The following CHST5 variants were observed in gnomAD, a reference collection of about 807,000 sequenced individuals.
The protein encoded by CHST5 is GST4-alpha.
For missense variants in CHST5, 637 were observed against 602.1 expected (o/e 1.06, Z -0.61); for synonymous variants, 313 against 279.2 (o/e 1.12, Z -1.21).
Position 75,529,503 on chromosome 16 carries a change from G to GCGC in CHST5, c.879_881dup (p.Arg294dup). 2 of 1,611,200 alleles carry GCGC rather than the reference G, an allele frequency of 1.2e-6. No homozygotes were observed. The highest frequency in any genetic ancestry group is 1.7e-6 in the Non-Finnish European group (2 of 1,179,646). ...GCGGCTCCCGCGCCAGGTCCTCGAA[G>GCGC]CGCACCAGGCGGTAGCGGCCGCGCA... On this transcript the variant is annotated inframe_insertion, in exon 4 of 4. Coordinates refer to ENST00000336257, the MANE Select transcript of CHST5 (RefSeq NM_024533.5).
rs1285383825 is a variant in CHST5, at chr16:75,531,605, A to G, written c.-1221T>C. ...GTCCAGGGCTGCTGGGAGAGCTGCA[A>G]CGCTGATCACAAATCCATGGGAGAT... On this transcript the variant is annotated 5_prime_UTR_variant, in exon 4 of 4. Transcript: ENST00000336257. The G allele has an allele frequency of 7.7e-7, 1 of 1,304,046 alleles. No individual in the cohort carries two copies. The highest frequency in any genetic ancestry group is 1.0e-6 in the Non-Finnish European group (1 of 988,796). The allele number at this position is 1,304,046 out of a possible 1,614,324, so 80.8% of individuals were successfully genotyped here.
In CHST5 at chr16:75,530,326, G is replaced by A. The variant is rs759282590; in HGVS notation, c.59C>T (p.Ala20Val). 6.2e-7 allele frequency: 1 copy of A among 1,600,150 alleles called. No homozygotes were observed. Among genetic ancestry groups the A allele is most frequent in the Non-Finnish European group, 8.5e-7 (1 of 1,174,008 alleles). The part of the protein sequence containing the change: ...VAHSTRRPPA[A>V]RMWLPRFSSK... ...GGAGAACCGTGGCAGCCACATGCGGGCGGCTGGGGGCCTTCGGGTGGAGTG... is the reference window on the plus strand; with the variant it reads ...GGAGAACCGTGGCAGCCACATGCGGACGGCTGGGGGCCTTCGGGTGGAGTG... The change falls in exon 4 of 4, where the codon GCC (alanine) becomes GTC (valine). Residue 20 changes from alanine to valine, a missense_variant. By Grantham distance (64) the Ala-to-Val change is moderately conservative (BLOSUM62 0). Coordinates refer to ENST00000336257, the MANE Select transcript of CHST5 (RefSeq NM_024533.5).
rs1291772785 is a variant in CHST5 at position 75,529,184 on chromosome 16, C to T, written c.1201G>A (p.Gly401Ser). Residue 401 changes from glycine to serine, a missense_variant, in exon 4 of 4, where the codon GGC becomes AGC. By Grantham distance (56) the Gly-to-Ser change is moderately conservative. Transcript: ENST00000336257. ...GATGCCCAGCTGAAGTGGTCTGGGC[C>T]TCGTGGCAGCACCAGATCCAGGGTG... ...DLTLDLVLPR[G>S]PDHFSWASPD 1.2e-6 allele frequency: 2 copies of T among 1,602,934 alleles called. No individual in the cohort carries two copies. The highest frequency in any genetic ancestry group is 2.2e-5 in the South Asian group (2 of 89,762).
chr16:75,530,870 A>G lies in CHST5; in HGVS notation c.-486T>C. ...GGATCACTTTACCCGTGTGTGAAAG[A>G]GGGATAATTCCGGTACCTGGCTCAC... On this transcript the variant is annotated 5_prime_UTR_variant, in exon 4 of 4. Transcript: ENST00000336257. 1 of 997,658 alleles carries G rather than the reference A, an allele frequency of 1.0e-6. No individual in the cohort carries two copies. Among genetic ancestry groups the G allele is most frequent in the Non-Finnish European group, 1.2e-6 (1 of 826,894 alleles). 61.8% of individuals were successfully genotyped at this position (997,658 alleles called of 1,614,324 possible).
chr16:75,530,622 G>A lies in CHST5; in HGVS notation c.-238C>T. 1.4e-6 allele frequency: 2 copies of A among 1,399,020 alleles called. No individual in the cohort carries two copies. The highest frequency in any genetic ancestry group is 9.3e-7 in the Non-Finnish European group (1 of 1,074,000). The allele number at this position is 1,399,020 out of a possible 1,614,324, so 86.7% of individuals were successfully genotyped here. A position where few individuals can be genotyped will look rare whatever the true frequency, so the allele number is the denominator to read the frequency against. On this transcript the variant is annotated 5_prime_UTR_variant, in exon 4 of 4. Coordinates refer to ENST00000336257, the MANE Select transcript of CHST5 (RefSeq NM_024533.5). Reference sequence around the variant, plus strand: ...CACCCACCTACTTACATACCTACAGGCTATCTATCTGTAGAGAGAAATACT... The same window carrying A: ...CACCCACCTACTTACATACCTACAGACTATCTATCTGTAGAGAGAAATACT...
chr16:75,529,938 G>C lies in CHST5; in HGVS notation c.447C>G (p.Arg149=). ...LSAFFNWATS[R]ALCSPPACSA... ...TGCAGGCGGGCGGCGAGCACAGCGC[G>C]CGGCTCGTTGCCCAGTTGAAAAAGG... The change falls in exon 4 of 4, where the codon CGC becomes CGG. Residue 149 remains arginine (R), a synonymous_variant. Transcript: ENST00000336257. 1 of 1,613,294 alleles carries C rather than the reference G, an allele frequency of 6.2e-7. No individual in the cohort carries two copies. The highest frequency in any genetic ancestry group is 8.5e-7 in the Non-Finnish European group (1 of 1,179,948).
In CHST5 at chr16:75,529,245, G is replaced by A. The variant is rs1343548346; in HGVS notation, c.1140C>T (p.Tyr380=). ...VCAGALQLLG[Y]RPVYSADQQR... ...GCTGGTCCGCAGAGTACACAGGCCGGTAGCCCAGCAGCTGCAGCGCGCCGG... is the reference window on the plus strand; with the variant it reads ...GCTGGTCCGCAGAGTACACAGGCCGATAGCCCAGCAGCTGCAGCGCGCCGG... Residue 380 remains tyrosine (Y), a synonymous_variant, in exon 4 of 4, where the codon TAC becomes TAT. Transcript: ENST00000336257. 1 of 1,613,074 alleles carries A rather than the reference G, an allele frequency of 6.2e-7. No homozygotes were observed.
rs3826107 is a variant in CHST5, at chr16:75,529,432, G to A, written c.953C>T (p.Thr318Met). The A allele has an allele frequency of 0.18, 295,894 of 1,612,534 alleles. 28,588 individuals carry two copies. The highest frequency in any genetic ancestry group is 0.2 in the Non-Finnish European group (235,073 of 1,179,598). The part of the protein sequence containing the change: ...ALYAFTGLTL[T>M]PQLEAWIHNI... ...GTGGATCCAGGCCTCGAGCTGTGGC[G>A]TGAGGGTCAGGCCGGTGAAGGCGTA... The change falls in exon 4 of 4, where the codon ACG becomes ATG. Residue 318 changes from threonine (T) to methionine (M), a missense_variant. Thr to Met is a moderately conservative substitution (Grantham distance 81). Transcript: ENST00000336257.
chr16:75,532,912 G>T (rs1405272378), intron 3 of CHST5, among the ~76,000 whole-genome samples, 177 bp downstream of exon 3: 1 of 152,190 alleles, frequency 6.6e-6, no homozygotes, highest in African/African-American at 2.4e-5. Context: ...GGGACTCCAG[G>T]ACTCCTGTTC....
chr16:75,530,434 C>G lies in CHST5; in HGVS notation c.-50G>C, dbSNP rs370822361. On this transcript the variant is annotated 5_prime_UTR_variant, in exon 4 of 4. Transcript: ENST00000336257. ...GCCCTCAGGGATCAGCCCTCAGATT[C>G]GGCTACCCTACCCATTGGACTTCCC... The G allele has an allele frequency of 4.3e-5, 64 of 1,471,646 alleles. No homozygotes were observed. The highest frequency in any genetic ancestry group is 5.4e-5 in the Non-Finnish European group (60 of 1,109,066). The allele number at this position is 1,471,646 out of a possible 1,614,324, so 91.2% of individuals were successfully genotyped here.
rs1403803215 is a variant in CHST5, at chr16:75,529,445, C to T, written c.940G>A (p.Gly314Ser). 1.9e-6 allele frequency: 3 copies of T among 1,612,762 alleles called. No individual in the cohort carries two copies. Among genetic ancestry groups the T allele is most frequent in the Non-Finnish European group, 1.7e-6 (2 of 1,179,874 alleles). ...TCGAGCTGTGGCGTGAGGGTCAGGCCGGTGAAGGCGTAGAGTGCGCGGATC... is the reference window on the plus strand; with the variant it reads ...TCGAGCTGTGGCGTGAGGGTCAGGCTGGTGAAGGCGTAGAGTGCGCGGATC... ...AEIRALYAFT[G>S]LTLTPQLEAW... Residue 314 changes from glycine to serine, a missense_variant, in exon 4 of 4, where the codon GGC becomes AGC. Transcript: ENST00000336257.
At chr16:75,534,488 A>G (rs1297583262) in intron 2 of CHST5, among the ~76,000 whole-genome samples, 1 of 152,154 alleles carries the variant, frequency 6.6e-6, no homozygotes, top group Non-Finnish European at 1.5e-5. Flanking sequence ...TAGTAAAAAT[A>G]CAAAAATTAG....
chr16:75,535,551 C>T (rs1200174532), intron 1 of CHST5, among the ~76,000 whole-genome samples, 142 bp from the exon 2 acceptor site: 4 of 152,234 alleles, frequency 2.6e-5, no homozygotes, highest in Non-Finnish European at 5.9e-5. Flanking sequence ...CGCCGGCCAA[C>T]AACCCTCGGC....
chr16:75,533,559 A>G (rs568273295), intron 2 of CHST5, among the ~76,000 whole-genome samples: 16 of 152,146 alleles, frequency 1.1e-4, no homozygotes, highest in Non-Finnish European at 2.4e-4. Flanking sequence ...CATATTTATT[A>G]CATGTTTAAT....
chr16:75,533,870 CT>C (rs2080542489), intron 2 of CHST5, among the ~76,000 whole-genome samples: 1 of 148,242 alleles, frequency 6.7e-6, no homozygotes, highest in Non-Finnish European at 1.5e-5. Flanking sequence ...CAAAACCTAT[CT>C]CTACTAAAAA....
chr16:75,535,715 G>A lies in CHST5; in HGVS notation c.-1634-306C>T, dbSNP rs376562709. Among the ~76,000 whole-genome samples the A allele has an allele frequency of 4.6e-5, 7 of 152,200 alleles. No homozygotes were observed. In the East Asian group the frequency reaches 7.8e-4, roughly 17 times the overall value. ...TCCCCACCCCCGACCGAGGGGCCAT[G>A]TCTCGGGGAGGGGCGCTGGCCGAGG... On this transcript the variant is annotated intron_variant, in intron 1 of 3. Coordinates refer to ENST00000336257, the MANE Select transcript of CHST5 (RefSeq NM_024533.5).
In CHST5 at chr16:75,530,368, C is replaced by G; in HGVS notation, c.17G>C (p.Arg6Pro). 1 of 1,551,178 alleles carries G rather than the reference C, an allele frequency of 6.4e-7. No homozygotes were observed. The highest frequency in any genetic ancestry group is 8.7e-7 in the Non-Finnish European group (1 of 1,147,436). MGMRA[R>P]VPKVAHSTRR... ...GGTGGAGTGGGCAACTTTAGGGACCCGGGCCCTCATGCCCATCCCATGCCC... is the reference window on the plus strand; with the variant it reads ...GGTGGAGTGGGCAACTTTAGGGACCGGGGCCCTCATGCCCATCCCATGCCC... The change falls in exon 4 of 4, where the codon CGG becomes CCG. Residue 6 changes from arginine (R) to proline (P), a missense_variant. Physicochemically the swap from Arg to Pro is moderately radical, Grantham distance 103. Coordinates refer to ENST00000336257, the MANE Select transcript of CHST5 (RefSeq NM_024533.5).
rs940890784 is a variant in CHST5 at position 75,531,385 on chromosome 16, T to C, written c.-1001A>G. On this transcript the variant is annotated 5_prime_UTR_variant, in exon 4 of 4. Transcript: ENST00000336257. Reference sequence around the variant, plus strand: ...ATTAAAGATAAACAAGTAAATAAAGTGGACAAAGAACAGCAACTGTTGTCA... The same window carrying C: ...ATTAAAGATAAACAAGTAAATAAAGCGGACAAAGAACAGCAACTGTTGTCA... The C allele has an allele frequency of 9.4e-7, 1 of 1,060,454 alleles. No individual in the cohort carries two copies. Among genetic ancestry groups the C allele is most frequent in the Admixed American group, 5.3e-5 (1 of 18,698 alleles). 65.7% of individuals were successfully genotyped at this position (1,060,454 alleles called of 1,614,324 possible). A position where few individuals can be genotyped will look rare whatever the true frequency, so the allele number is the denominator to read the frequency against.
chr16:75,530,846 G>A lies in CHST5; in HGVS notation c.-462C>T. On this transcript the variant is annotated 5_prime_UTR_variant, in exon 4 of 4. Coordinates refer to ENST00000336257, the MANE Select transcript of CHST5 (RefSeq NM_024533.5). ...AGATCACTTAAATCTCTCTGTGACG[G>A]ATCACTTTACCCGTGTGTGAAAGAG... 4.0e-6 allele frequency: 4 copies of A among 997,176 alleles called. No individual in the cohort carries two copies. The highest frequency in any genetic ancestry group is 4.9e-6 in the Non-Finnish European group (4 of 824,206). The allele number at this position is 997,176 out of a possible 1,614,324, so 61.8% of individuals were successfully genotyped here.
Sources: allele counts gnomAD v4.1 joint callset (sites outside exome capture counted in the v4.1 genomes callset), GRCh38; gene constraint gnomAD v4.1.1; transcripts MANE v1.5; gene names NCBI Gene and HGNC (gene_info 2026-07-23, HGNC 2026-07-21).